RBP7: variants seen among roughly 807,000 people sequenced by gnomAD.
The protein encoded by RBP7 is retinoid-binding protein 7.
In RBP7, 13 loss-of-function variants were observed where a neutral mutation model predicts 16.7. The observed-to-expected ratio is 0.78, with a 90% CI of 0.51 to 1.24. The LOEUF is 1.24. Ranked by LOEUF, RBP7 falls within the 50% of genes most tolerant of loss-of-function variation. RBP7 has a pLI of 0.00. For synonymous variants in RBP7, 54 were observed against 56.2 expected (o/e 0.96, Z 0.17); for missense variants, 145 against 159.5 (o/e 0.91, Z 0.49).
chr1:10,001,153 T>G (rs1241658186), intron 1 of RBP7, among the ~76,000 whole-genome samples: 1 of 152,138 alleles, frequency 6.6e-6, no homozygotes, highest in Admixed American at 6.6e-5. Flanking sequence ...AGCTGGCATC[T>G]CATTTGAGGG....
intron 2 of RBP7, among the ~76,000 whole-genome samples, 188 bp downstream of exon 2, chr1:10,007,936 G>T (rs1245050963): frequency 2.0e-5 from 3 of 151,860 alleles, no homozygotes; most frequent in African/African-American, 7.3e-5. Flanking sequence ...TGTAATCCCA[G>T]CTACTTAGGA....
chr1:10,014,506 T>G (rs925039742), intron 3 of RBP7, among the ~76,000 whole-genome samples: 1 of 151,778 alleles, frequency 6.6e-6, no homozygotes, highest in African/African-American at 2.4e-5. Context: ...CTGTCTCAAG[T>G]GTCCTGAGTA....
At position 9,997,707 on chromosome 1, in the gene RBP7, C is replaced by A. The variant is rs955012909; in HGVS notation, c.73+376C>A. Among the ~76,000 whole-genome samples, 2 of 151,760 alleles carry A rather than the reference C, an allele frequency of 1.3e-5. No homozygotes were observed. Among genetic ancestry groups the A allele is most frequent in the Non-Finnish European group, 2.9e-5 (2 of 67,910 alleles). ...CTGCGGAGACTGCAGACTCGGGGTC[C>A]GGCCGGGGAGGGGGGTCCGGCCGGG... is the stretch of plus-strand genomic sequence containing the variant. On this transcript the variant is annotated intron_variant, in intron 1 of 3. Coordinates refer to ENST00000294435, the MANE Select transcript of RBP7 (RefSeq NM_052960.3). The surrounding 1 kb of genome is among the most constrained non-coding windows in gnomAD (Gnocchi z 5.9).
intron 1 of RBP7, among the ~76,000 whole-genome samples, chr1:10,000,163 G>A (rs1642238149): frequency 1.3e-5 from 2 of 152,096 alleles, no homozygotes; most frequent in African/African-American, 2.4e-5. Flanking sequence ...AGAAGGTGGA[G>A]GTTGCAGTGA....
At position 10,007,642 on chromosome 1, in the gene RBP7, C is replaced by CT. The variant is rs1217227211; in HGVS notation, c.150dup (p.Thr51TyrfsTer16). 6.2e-7 allele frequency: 1 copy of CT among 1,613,826 alleles called. No individual in the cohort carries two copies. The highest frequency in any genetic ancestry group is 2.2e-5 in the East Asian group (1 of 44,886). On this transcript the variant is annotated frameshift_variant, in exon 2 of 4. Coordinates refer to ENST00000294435, the MANE Select transcript of RBP7 (RefSeq NM_052960.3). LOFTEE classifies it high-confidence loss of function. ...AAAGTGATTGAGCAGAATGGGGATT[C>CT]TTTTACCATCCACACGAACAGCAGC...
At chr1:9,998,748 A>G (rs568834046) in intron 1 of RBP7, among the ~76,000 whole-genome samples, 1 of 152,148 alleles carries the variant, frequency 6.6e-6, no homozygotes, top group South Asian at 2.1e-4. Context: ...TTAGTTGATA[A>G]AGGGGCATTT....
At position 10,015,949 on chromosome 1, in the gene RBP7, C is replaced by A; in HGVS notation, c.*117C>A. The A allele has an allele frequency of 1.1e-6, 1 of 882,560 alleles. No homozygotes were observed. Among genetic ancestry groups the A allele is most frequent in the Non-Finnish European group, 1.8e-6 (1 of 541,734 alleles). 54.7% of individuals were successfully genotyped at this position (882,560 alleles called of 1,614,324 possible). ...ACGAGGACTCGTGGCTGGAGAGAGC[C>A]ACACAGCGTGTAACCTGAAGTCATC... On this transcript the variant is annotated 3_prime_UTR_variant, in exon 4 of 4. Coordinates refer to ENST00000294435, the MANE Select transcript of RBP7 (RefSeq NM_052960.3).
At position 10,007,597 on chromosome 1, in the gene RBP7, C is replaced by T; in HGVS notation, c.101C>T (p.Ala34Val). The T allele has an allele frequency of 6.2e-7, 1 of 1,610,908 alleles. No homozygotes were observed. Among genetic ancestry groups the T allele is most frequent in the Non-Finnish European group, 8.5e-7 (1 of 1,179,048 alleles). The change falls in exon 2 of 4, where the codon GCC becomes GTC. Residue 34 changes from alanine to valine, a missense_variant. By Grantham distance (64) the Ala-to-Val change is moderately conservative. Coordinates refer to ENST00000294435, the MANE Select transcript of RBP7 (RefSeq NM_052960.3). ...LGIDFATRKI[A>V]KLLKPQKVIE... is the part of the protein sequence containing the mutation. ...ATTGACTTTGCCACTCGTAAAATAG[C>T]CAAGTTGCTGAAGCCACAGAAAGTG...
At chr1:10,014,791 G>C (rs1050527658) in intron 3 of RBP7, among the ~76,000 whole-genome samples, 2 of 152,192 alleles carry the variant, frequency 1.3e-5, no homozygotes, top group Non-Finnish European at 2.9e-5. Flanking sequence ...CCGAGGAGGG[G>C]TTGTGGGAAA....
intron 1 of RBP7, among the ~76,000 whole-genome samples, chr1:10,003,406 T>A (rs1434667769): frequency 6.6e-6 from 1 of 152,076 alleles, no homozygotes; most frequent in Non-Finnish European, 1.5e-5. Flanking sequence ...CCAGCCTGGG[T>A]GACAAGAGCA....
At chr1:10,001,837 A>AT (rs1010587767) in intron 1 of RBP7, among the ~76,000 whole-genome samples, 16 of 150,840 alleles carry the variant, frequency 1.1e-4, no homozygotes, top group African/African-American at 3.7e-4. Flanking sequence ...TTATTTATTT[A>AT]TTTATTTTTG....
chr1:10,013,450 G>A (rs890441847), intron 3 of RBP7, among the ~76,000 whole-genome samples: 18 of 152,054 alleles, frequency 1.2e-4, no homozygotes, highest in South Asian at 2.1e-4. Context: ...GGGAGGACAC[G>A]GCAAGAGGAT....
intron 1 of RBP7, among the ~76,000 whole-genome samples, chr1:10,000,350 G>A (rs1205339489): frequency 6.6e-6 from 1 of 152,080 alleles, no homozygotes; most frequent in Non-Finnish European, 1.5e-5. Flanking sequence ...TGGCCAACAT[G>A]GTGAAATACC....
At position 9,997,450 on chromosome 1, in the gene RBP7, C is replaced by T; in HGVS notation, c.73+119C>T. 2.2e-6 allele frequency: 2 copies of T among 924,794 alleles called. No homozygotes were observed. Among genetic ancestry groups the T allele is most frequent in the Non-Finnish European group, 3.3e-6 (2 of 611,378 alleles). 57.3% of individuals were successfully genotyped at this position (924,794 alleles called of 1,614,324 possible). A position where few individuals can be genotyped will look rare whatever the true frequency, so the allele number is the denominator to read the frequency against. On this transcript the variant is annotated intron_variant, in intron 1 of 3. Coordinates refer to ENST00000294435, the MANE Select transcript of RBP7 (RefSeq NM_052960.3). The surrounding 1 kb of genome is among the most constrained non-coding windows in gnomAD (Gnocchi z 5.9). Reference sequence around the variant, plus strand: ...TGTCCGTGCCTCCGCCCTGCTGCGCCCACCGTCGCCCAGTCGCCCCCGAGT... The same window carrying T: ...TGTCCGTGCCTCCGCCCTGCTGCGCTCACCGTCGCCCAGTCGCCCCCGAGT...
intron 1 of RBP7, among the ~76,000 whole-genome samples, 176 bp from the exon 2 acceptor site, chr1:10,007,394 T>G (rs1475550325): frequency 6.6e-6 from 1 of 152,106 alleles, no homozygotes; most frequent in Admixed American, 6.6e-5. Flanking sequence ...TTAATCAGGC[T>G]GTGGTTGGCA....
intron 1 of RBP7, chr1:10,007,054 C>T (rs1186899597): frequency 5.4e-6 from 2 of 373,564 alleles, no homozygotes; most frequent in South Asian, 1.9e-5. Flanking sequence ...TCAAGCAATT[C>T]TCCTACTTCA....
chr1:10,012,636 A>AG (rs1156618306), intron 3 of RBP7, among the ~76,000 whole-genome samples: 2 of 151,326 alleles, frequency 1.3e-5, no homozygotes, highest in African/African-American at 4.9e-5. Context: ...TAAAAAAAAA[A>AG]AAAAAGAAAA....
At chr1:10,006,238 G>A (rs1457911077) in intron 1 of RBP7, among the ~76,000 whole-genome samples, 1 of 152,116 alleles carries the variant, frequency 6.6e-6, no homozygotes, top group Admixed American at 6.6e-5. Flanking sequence ...CGAGCAGGGT[G>A]GCTCATGTCT....
chr1:10,006,726 C>CGTGT (rs139188536), intron 1 of RBP7, among the ~76,000 whole-genome samples: 1,731 of 129,448 alleles, frequency 0.013, 15 homozygotes, highest in African/African-American at 0.017. Flanking sequence ...AAAGTATATA[C>CGTGT]GTGTGTGTGT....
Sources: allele counts gnomAD v4.1 joint callset (sites outside exome capture counted in the v4.1 genomes callset), GRCh38; gene constraint gnomAD v4.1.1; non-coding constraint Gnocchi (gnomAD v3.1); transcripts MANE v1.5; gene names NCBI Gene and HGNC (gene_info 2026-07-23, HGNC 2026-07-21).